ZNF484: variants seen among roughly 807,000 people sequenced by gnomAD.
The protein encoded by ZNF484 is zinc finger protein 484.
ZNF484 carries 11 observed loss-of-function variants against 12.9 expected under a neutral mutation model. The observed-to-expected ratio is 0.85, with a 90% CI of 0.54 to 1.41. The LOEUF (loss-of-function observed/expected upper bound fraction) is 1.41. Among genes scored for constraint, ZNF484 ranks in the 40% most tolerant of loss-of-function variants. The pLI, the probability that ZNF484 is intolerant of heterozygous loss-of-function variation, is 0.00. For missense variants in ZNF484, 807 were observed against 1,007.7 expected, an observed-to-expected ratio of 0.80 and a Z score of 2.70; for synonymous variants, 289 against 334.1, an observed-to-expected ratio of 0.86 and a Z score of 1.47.
rs1345408859 is a variant in ZNF484, at chr9:92,845,021, A to G, written c.*1207T>C. ...TTATAACTTCTCCCCTTGTCCAGAA[A>G]TGTTAGTACTAATTTACATTAGCTT... On this transcript the variant is annotated 3_prime_UTR_variant, in exon 5 of 5. Transcript: ENST00000375495. This position sits in a 1 kb window ranked among gnomAD's most constrained non-coding sequence, Gnocchi z 4.0. 6.6e-6 allele frequency: 1 copy of G among 152,204 alleles called. No individual in the cohort carries two copies. The highest frequency in any genetic ancestry group is 1.5e-5 in the Non-Finnish European group (1 of 68,014). The allele number at this position is 152,204 out of a possible 1,614,324, so 9.4% of individuals were successfully genotyped here.
intron 1 of ZNF484, among the ~76,000 whole-genome samples, chr9:92,876,683 GA>G (rs767183742): frequency 2.6e-5 from 4 of 152,070 alleles, no homozygotes; most frequent in South Asian, 2.1e-4. Flanking sequence ...CTTAATACAT[GA>G]AAAAGGATAA....
At chr9:92,855,744 C>G in intron 4 of ZNF484, 67 bp downstream of exon 4, 1 of 1,489,804 alleles carries the variant, frequency 6.7e-7, no homozygotes, top group Non-Finnish European at 9.3e-7. Flanking sequence ...CAAAGTTGGG[C>G]ACAGCTTCTC....
At chr9:92,861,174 T>A (rs1323047556) in intron 2 of ZNF484, among the ~76,000 whole-genome samples, 1 of 152,228 alleles carries the variant, frequency 6.6e-6, no homozygotes, top group Non-Finnish European at 1.5e-5. Context: ...CTAAATGTGT[T>A]GACAACTGCT....
Position 92,846,986 on chromosome 9 carries a change from T to C in ZNF484, c.1801A>G (p.Ile601Val), listed in dbSNP as rs760504511. 6.2e-7 allele frequency: 1 copy of C among 1,614,186 alleles called. No individual in the cohort carries two copies. Among genetic ancestry groups the C allele is most frequent in the Non-Finnish European group, 8.5e-7 (1 of 1,180,030 alleles). The change falls in exon 5 of 5, where the codon ATT (isoleucine) becomes GTT (valine). Residue 601 changes from isoleucine to valine, a missense_variant. By Grantham distance (29) the Ile-to-Val change is conservative. Transcript: ENST00000375495. ...HKSHFITHER[I>V]HTGEKPYECS... ...TCATAGGGTTTCTCTCCAGTATGAATTCTCTCATGTGTAATAAAATGGGAT... is the reference window on the plus strand; with the variant it reads ...TCATAGGGTTTCTCTCCAGTATGAACTCTCTCATGTGTAATAAAATGGGAT...
intron 2 of ZNF484, among the ~76,000 whole-genome samples, chr9:92,857,276 C>CA (rs1226502130): frequency 6.6e-6 from 1 of 152,134 alleles, no homozygotes; most frequent in East Asian, 1.9e-4. Context: ...CTTATTCAGT[C>CA]ACTCTGACAG....
chr9:92,851,811 C>G (rs1343859848), intron 4 of ZNF484, among the ~76,000 whole-genome samples: 1 of 152,192 alleles, frequency 6.6e-6, no homozygotes, highest in Non-Finnish European at 1.5e-5. Flanking sequence ...TTGGGGTTCT[C>G]TGCTTTAAAA....
At chr9:92,870,132 G>C (rs952278868) in intron 2 of ZNF484, among the ~76,000 whole-genome samples, 1 of 152,102 alleles carries the variant, frequency 6.6e-6, no homozygotes, top group Non-Finnish European at 1.5e-5. Flanking sequence ...TACAGACTCT[G>C]AAAGGTAAAG....
chr9:92,847,408 C>T lies in ZNF484; in HGVS notation c.1379G>A (p.Arg460Gln), dbSNP rs189416560. 2.2e-5 allele frequency: 36 copies of T among 1,613,718 alleles called. No individual in the cohort carries two copies. The highest frequency in any genetic ancestry group is 6.7e-5 in the East Asian group (3 of 44,848). ...IKKSQLHVHQ[R>Q]IHTGENPFIC... ...AAAGGGATTCTCTCCTGTGTGAATTCGCTGATGCACATGGAGTTGTGATTT... is the reference window on the plus strand; with the variant it reads ...AAAGGGATTCTCTCCTGTGTGAATTTGCTGATGCACATGGAGTTGTGATTT... Residue 460 changes from arginine (R) to glutamine (Q), a missense_variant, in exon 5 of 5, where the codon CGA becomes CAA. Physicochemically the swap from Arg to Gln is conservative, Grantham distance 43. Transcript: ENST00000375495.
intron 2 of ZNF484, among the ~76,000 whole-genome samples, chr9:92,866,070 C>T (rs528153570): frequency 9.9e-4 from 151 of 152,218 alleles, no homozygotes; most frequent in African/African-American, 3.6e-3. Context: ...GAACATAATA[C>T]TTTTCCTATT....
At position 92,875,476 on chromosome 9, in the gene ZNF484, A is replaced by C. The variant is rs189065833; in HGVS notation, c.-30-417T>G. 1.0e-3 allele frequency among the ~76,000 whole-genome samples: 158 copies of C among 152,260 alleles called. 1 individual carries two copies. Among genetic ancestry groups the C allele is most frequent in the Non-Finnish European group, 1.7e-3 (118 of 68,012 alleles). On this transcript the variant is annotated intron_variant, in intron 1 of 4. Coordinates refer to ENST00000375495, the MANE Select transcript of ZNF484 (RefSeq NM_031486.4). ...AGACTACTCCCAGAAGCCATTACTGAAACCTCAGATTCACTGATTTCCATG... is the reference window on the plus strand; with the variant it reads ...AGACTACTCCCAGAAGCCATTACTGCAACCTCAGATTCACTGATTTCCATG...
In ZNF484 at chr9:92,846,083, A is replaced by G. The variant is rs572008587; in HGVS notation, c.*145T>C. On this transcript the variant is annotated 3_prime_UTR_variant, in exon 5 of 5. Transcript: ENST00000375495. ...AAGACTGCCAATCATCTCCTTGCACATTTACTATTATTTGCAGGAGCTTGA... is the reference window on the plus strand; with the variant it reads ...AAGACTGCCAATCATCTCCTTGCACGTTTACTATTATTTGCAGGAGCTTGA... 89 of 776,016 alleles carry G rather than the reference A, an allele frequency of 1.1e-4. No individual in the cohort carries two copies. The East Asian group carries it at 2.3e-3, about 20-fold the overall frequency. 48.1% of individuals were successfully genotyped at this position (776,016 alleles called of 1,614,324 possible). A position where few individuals can be genotyped will look rare whatever the true frequency, so the allele number is the denominator to read the frequency against.
intron 2 of ZNF484, among the ~76,000 whole-genome samples, chr9:92,865,332 C>G (rs1194399619): frequency 2.0e-5 from 3 of 151,632 alleles, no homozygotes; most frequent in Non-Finnish European, 1.5e-5. Context: ...ACAGACAACT[C>G]AGTTTAAAAA....
chr9:92,854,793 G>C (rs1347324140), intron 4 of ZNF484, among the ~76,000 whole-genome samples: 2 of 152,086 alleles, frequency 1.3e-5, no homozygotes, highest in African/African-American at 4.8e-5. Context: ...ACTGTTTGTA[G>C]TAGCTGAAAA....
At chr9:92,871,956 G>A (rs954902457) in intron 2 of ZNF484, among the ~76,000 whole-genome samples, 1 of 152,180 alleles carries the variant, frequency 6.6e-6, no homozygotes, top group Non-Finnish European at 1.5e-5. Context: ...AGGGCCAGGC[G>A]CGGTGGCTCA....
chr9:92,852,529 CTT>C (rs760841960), intron 4 of ZNF484, among the ~76,000 whole-genome samples: 25 of 63,476 alleles, frequency 3.9e-4, no homozygotes, highest in East Asian at 1.3e-3. Flanking sequence ...CACGCCCAGC[CTT>C]TTTTTTTTTT....
In ZNF484 at chr9:92,847,942, T is replaced by C; in HGVS notation, c.845A>G (p.His282Arg). The change falls in exon 5 of 5, where the codon CAT (histidine) becomes CGT (arginine). Residue 282 changes from histidine (H) to arginine (R), a missense_variant. His to Arg is a conservative substitution (Grantham distance 29). Transcript: ENST00000375495. ...CTGAGTGAAGACTGCCTCACATTCA[T>C]GGCATTCATGCTGCTTTTCTTCAGC... ...ICAEEKQHEC[H>R]ECEAVFTQKS... is the part of the protein sequence containing the mutation. The C allele has an allele frequency of 6.2e-7, 1 of 1,614,248 alleles. No individual in the cohort carries two copies. Among genetic ancestry groups the C allele is most frequent in the South Asian group, 1.1e-5 (1 of 91,086 alleles).
At position 92,846,933 on chromosome 9, in the gene ZNF484, A is replaced by G. The variant is rs747437858; in HGVS notation, c.1854T>C (p.Thr618=). 12 of 1,613,834 alleles carry G rather than the reference A, an allele frequency of 7.4e-6. No homozygotes were observed. Among genetic ancestry groups the G allele is most frequent in the South Asian group, 1.1e-5 (1 of 91,062 alleles). ...YECSICGKSF[T]KKSQLHVHQQ... ...GATGTACGTGGAGCTGTGATTTCTTAGTGAAGGATTTCCCACAAATACTGC... is the reference window on the plus strand; with the variant it reads ...GATGTACGTGGAGCTGTGATTTCTTGGTGAAGGATTTCCCACAAATACTGC... Residue 618 remains threonine (T), a synonymous_variant, in exon 5 of 5, where the codon ACT becomes ACC. Coordinates refer to ENST00000375495, the MANE Select transcript of ZNF484 (RefSeq NM_031486.4).
At position 92,871,343 on chromosome 9, in the gene ZNF484, C is replaced by T. The variant is rs538582710; in HGVS notation, c.15+3672G>A. On this transcript the variant is annotated intron_variant, in intron 2 of 4. Coordinates refer to ENST00000375495, the MANE Select transcript of ZNF484 (RefSeq NM_031486.4). ...GGCAACAGAAGAAATATTCTGAGTA[C>T]CTGAAAATAAAGTAGAAATGATCTA... 4.1e-3 allele frequency among the ~76,000 whole-genome samples: 626 copies of T among 151,828 alleles called. 3 individuals carry two copies. The highest frequency in any genetic ancestry group is 7.5e-3 in the Non-Finnish European group (511 of 67,934).
intron 4 of ZNF484, among the ~76,000 whole-genome samples, chr9:92,853,851 C>T (rs1856260582): frequency 2.0e-5 from 3 of 152,096 alleles, no homozygotes; most frequent in Admixed American, 1.3e-4. Context: ...AAACTTGGTT[C>T]AGATGTCAAG....
Sources: allele counts gnomAD v4.1 joint callset (sites outside exome capture counted in the v4.1 genomes callset), GRCh38; gene constraint gnomAD v4.1.1; non-coding constraint Gnocchi (gnomAD v3.1); transcripts MANE v1.5; gene names NCBI Gene and HGNC (gene_info 2026-07-23, HGNC 2026-07-21).